The following ARK2C variants were observed in gnomAD, a reference collection of about 807,000 sequenced individuals.
ARK2C encodes the protein arkadia (RNF111) C-terminal like ring finger ubiquitin ligase 2C.
the ARK2C span, among the ~76,000 whole-genome samples, chr18:46,354,728 A>C: frequency 6.6e-6 from 1 of 152,194 alleles, no homozygotes; most frequent in East Asian, 1.9e-4. Flanking sequence ...TTGCCTCTTA[A>C]AAATCTTTTA....
the ARK2C span, among the ~76,000 whole-genome samples, chr18:46,359,332 G>T: frequency 7.2e-5 from 11 of 152,190 alleles, no homozygotes; most frequent in Non-Finnish European, 1.3e-4. Flanking sequence ...AAGGGAGTGT[G>T]CAGGCAGCTG....
chr18:46,416,558 G>T, the ARK2C span, among the ~76,000 whole-genome samples: 1 of 152,212 alleles, frequency 6.6e-6, no homozygotes, highest in Non-Finnish European at 1.5e-5. Context: ...ATTTGTATCA[G>T]TTAGCTTTTT....
the ARK2C span, among the ~76,000 whole-genome samples, chr18:46,453,308 T>C: frequency 5.3e-5 from 8 of 152,084 alleles, no homozygotes; most frequent in Admixed American, 1.3e-4. Flanking sequence ...GAGAAGAACA[T>C]AGAAGGAAAT....
chr18:46,421,984 T>C, the ARK2C span, among the ~76,000 whole-genome samples: 1 of 151,978 alleles, frequency 6.6e-6, no homozygotes, highest in African/African-American at 2.4e-5. Flanking sequence ...TGGGAACCAA[T>C]AGATAGAGAG....
the ARK2C span, among the ~76,000 whole-genome samples, chr18:46,383,139 G>T: frequency 6.6e-6 from 1 of 152,222 alleles, no homozygotes; most frequent in African/African-American, 2.4e-5. Flanking sequence ...GTGCTGGTTG[G>T]GTCAGGCAGA....
chr18:46,438,101 G>A, the ARK2C span, among the ~76,000 whole-genome samples: 854 of 152,310 alleles, frequency 5.6e-3, 6 homozygotes, highest in African/African-American at 0.019. Flanking sequence ...AAAGTTCAGC[G>A]TGATGTTTAG....
the ARK2C span, among the ~76,000 whole-genome samples, chr18:46,351,865 C>T: frequency 5.9e-5 from 9 of 152,240 alleles, no homozygotes; most frequent in Admixed American, 1.3e-4. Flanking sequence ...CCTCAGCAAA[C>T]GGTAAATCTA....
chr18:46,345,320 G>A, the ARK2C span, among the ~76,000 whole-genome samples: 5 of 152,216 alleles, frequency 3.3e-5, no homozygotes, highest in African/African-American at 7.2e-5. Context: ...GGTCTTCCCC[G>A]GGCAGGTGCG....
the ARK2C span, among the ~76,000 whole-genome samples, chr18:46,399,690 G>T: frequency 6.2e-4 from 95 of 152,254 alleles, no homozygotes; most frequent in African/African-American, 2.2e-3. Context: ...ATAGCAATGG[G>T]AGGCATCTCA....
chr18:46,350,387 C>T, the ARK2C span, among the ~76,000 whole-genome samples: 2 of 152,256 alleles, frequency 1.3e-5, no homozygotes, highest in African/African-American at 4.8e-5. Context: ...TGCCATGTGG[C>T]CTGGGAGGGC....
At chr18:46,404,688 G>A in the ARK2C span, among the ~76,000 whole-genome samples, 4 of 152,056 alleles carry the variant, frequency 2.6e-5, no homozygotes, top group Admixed American at 2.0e-4. Flanking sequence ...GGGAGGTTGA[G>A]GTTGTAGTGA....
chr18:46,442,348 T>C, the ARK2C span, among the ~76,000 whole-genome samples: 4 of 152,322 alleles, frequency 2.6e-5, no homozygotes, highest in Admixed American at 1.3e-4. Context: ...TATAAGCATA[T>C]AAAACTGAAT....
At chr18:46,392,096 C>G in the ARK2C span, among the ~76,000 whole-genome samples, 1 of 151,952 alleles carries the variant, frequency 6.6e-6, no homozygotes, top group Non-Finnish European at 1.5e-5. Context: ...TACACACACA[C>G]CACGCATACA....
the ARK2C span, chr18:46,385,864 G>A: frequency 6.6e-6 from 1 of 152,194 alleles, no homozygotes; most frequent in Non-Finnish European, 1.5e-5. Context: ...GGTATCTGGG[G>A]CTGGAAGAGT....
the ARK2C span, among the ~76,000 whole-genome samples, chr18:46,401,091 C>T: frequency 8.5e-5 from 13 of 152,238 alleles, no homozygotes; most frequent in East Asian, 3.9e-4. Context: ...GACACAGGGA[C>T]GTGGGACACA....
At chr18:46,337,377 C>A in the ARK2C span, 3 of 985,328 alleles carry the variant, frequency 3.0e-6, no homozygotes. Context: ...TTCACCTTTT[C>A]TTGTACTAAA....
the ARK2C span, among the ~76,000 whole-genome samples, chr18:46,412,368 A>T: frequency 6.6e-6 from 1 of 152,232 alleles, no homozygotes; most frequent in Non-Finnish European, 1.5e-5. Flanking sequence ...GGTTACCACT[A>T]AGCCTGCAGG....
the ARK2C span, among the ~76,000 whole-genome samples, chr18:46,430,436 C>T: frequency 1.3e-3 from 201 of 152,284 alleles, no homozygotes; most frequent in African/African-American, 4.2e-3. Context: ...AGATGTCTTT[C>T]GGGTGGGTTC....
the ARK2C span, among the ~76,000 whole-genome samples, chr18:46,414,923 A>G: frequency 4.6e-5 from 7 of 152,216 alleles, no homozygotes; most frequent in Non-Finnish European, 8.8e-5. Context: ...CCAGGGCTGC[A>G]GGAGGATGTG....
Sources: gnomAD v4.1 joint callset for allele counts (sites outside exome capture counted in the v4.1 genomes callset) on GRCh38, gnomAD v4.1.1 for gene constraint, MANE v1.5 for transcripts, NCBI Gene and HGNC (gene_info 2026-07-23, HGNC 2026-07-21) for gene names.